Variants in FAM120C observed in about 807,000 individuals in gnomAD.
FAM120C encodes family with sequence similarity 120 member C.
A neutral mutation model predicts 71.2 loss-of-function variants in FAM120C; 14 were observed. The observed-to-expected ratio is 0.20, with a 90% CI of 0.13 to 0.31. The LOEUF (loss-of-function observed/expected upper bound fraction) is 0.31, where lower values mean the gene tolerates loss of function less well. Ranked by LOEUF, FAM120C falls within the 10% of genes least tolerant of loss-of-function variation. FAM120C has a pLI of 1.00. For synonymous variants in FAM120C, 354 were observed against 353.2 expected (o/e 1.00, Z -0.03); for missense variants, 500 against 879.0 (o/e 0.57, Z 5.45).
At chrX:54,118,399 G>C (rs1442075082) in intron 9 of FAM120C, among the ~76,000 whole-genome samples, 32 of 110,571 alleles carry the variant, frequency 2.9e-4, no homozygotes, top group Admixed American at 2.8e-3. Flanking sequence ...TTCCAGTTTG[G>C]GGTCATAATG....
intron 1 of FAM120C, among the ~76,000 whole-genome samples, chrX:54,180,260 C>A (rs1180760231): frequency 8.9e-6 from 1 of 112,333 alleles, no homozygotes; most frequent in African/African-American, 3.2e-5. Flanking sequence ...TCTCCACACC[C>A]TTGTCCGCTA....
Position 54,070,510 on chromosome X carries a change from G to A in FAM120C, c.*2523C>T, listed in dbSNP as rs1557119958. ...AATATCTTAGCAATTTTAAGTCCAA[G>A]TGCTTCCTATTAGAAAATGGAGATA... is the stretch of plus-strand genomic sequence containing the variant. On this transcript the variant is annotated 3_prime_UTR_variant, in exon 16 of 16. Coordinates refer to ENST00000375180, the MANE Select transcript of FAM120C (RefSeq NM_017848.6). 1 of 112,314 alleles carries A rather than the reference G, an allele frequency of 8.9e-6. No homozygotes were observed. The highest frequency in any genetic ancestry group is 3.2e-5 in the African/African-American group (1 of 30,945). 9.3% of individuals were successfully genotyped at this position (112,314 alleles called of 1,213,427 possible). A position where few individuals can be genotyped will look rare whatever the true frequency, so the allele number is the denominator to read the frequency against.
intron 10 of FAM120C, among the ~76,000 whole-genome samples, chrX:54,107,912 G>A (rs2066915484): frequency 1.1e-5 from 1 of 94,267 alleles, no homozygotes; most frequent in South Asian, 5.9e-4. Flanking sequence ...CTAGTATGTG[G>A]TAGGGTCCCT....
At chrX:54,108,195 G>A (rs989522998) in intron 10 of FAM120C, among the ~76,000 whole-genome samples, 12 of 108,639 alleles carry the variant, frequency 1.1e-4, no homozygotes, top group African/African-American at 1.3e-4. Context: ...TAATCATGGC[G>A]ATATCTATCA....
Position 54,113,640 on chromosome X carries a change from G to A in FAM120C, c.2312+2905C>T, listed in dbSNP as rs781972608. On this transcript the variant is annotated intron_variant, in intron 10 of 15. Transcript: ENST00000375180. ...AAAATGCCTGCACCAGGCCGGGCGCGGTGGCTCACGCCTGTAATCCCAGCA... is the reference window on the plus strand; with the variant it reads ...AAAATGCCTGCACCAGGCCGGGCGCAGTGGCTCACGCCTGTAATCCCAGCA... 3.6e-3 allele frequency among the ~76,000 whole-genome samples: 400 copies of A among 110,917 alleles called. 3 individuals are homozygous for A. Among genetic ancestry groups the A allele is most frequent in the Non-Finnish European group, 6.2e-3 (328 of 52,953 alleles).
intron 10 of FAM120C, among the ~76,000 whole-genome samples, chrX:54,100,706 A>G (rs2066878146): frequency 9.0e-6 from 1 of 111,717 alleles, no homozygotes; most frequent in African/African-American, 3.2e-5. Flanking sequence ...ACAAAACAAA[A>G]GATCTTAGAG....
intron 11 of FAM120C, among the ~76,000 whole-genome samples, chrX:54,089,677 A>T (rs781793764): frequency 4.5e-5 from 5 of 111,195 alleles, no homozygotes; most frequent in Non-Finnish European, 9.4e-5. Context: ...TATGTGAAAC[A>T]CTAGCCGGGC....
chrX:54,165,606 G>A (rs1262771251), intron 1 of FAM120C, among the ~76,000 whole-genome samples: 4 of 109,424 alleles, frequency 3.7e-5, no homozygotes, highest in Non-Finnish European at 7.6e-5. Context: ...GTGAAACCCC[G>A]TCTCTACTAA....
intron 4 of FAM120C, among the ~76,000 whole-genome samples, chrX:54,140,316 A>T: frequency 9.4e-6 from 1 of 106,163 alleles, no homozygotes; most frequent in Non-Finnish European, 1.9e-5. Context: ...GAAAAAGAAA[A>T]AAGAAAAGGA....
intron 1 of FAM120C, among the ~76,000 whole-genome samples, chrX:54,169,700 T>C: frequency 8.9e-6 from 1 of 111,936 alleles, no homozygotes; most frequent in Non-Finnish European, 1.9e-5. Context: ...TAAGGAAGTA[T>C]CACCTTATAA....
In FAM120C at chrX:54,114,973, G is replaced by A. The variant is rs782427305; in HGVS notation, c.2312+1572C>T. 3.7e-5 allele frequency among the ~76,000 whole-genome samples: 4 copies of A among 109,263 alleles called. No individual in the cohort carries two copies. In the East Asian group the frequency reaches 1.1e-3, roughly 31 times the overall value. 94.9% of individuals were successfully genotyped at this position (109,263 alleles called of 115,157 possible). A position where few individuals can be genotyped will look rare whatever the true frequency, so the allele number is the denominator to read the frequency against. ...GGGGTTTCATCATGCTGTCCAGGCT[G>A]GTCTTGAACTCCTGGCCTCAAGTGA... is the stretch of plus-strand genomic sequence containing the variant. On this transcript the variant is annotated intron_variant, in intron 10 of 15. Coordinates refer to ENST00000375180, the MANE Select transcript of FAM120C (RefSeq NM_017848.6).
At chrX:54,168,048 A>T (rs1224117913) in intron 1 of FAM120C, among the ~76,000 whole-genome samples, 2 of 111,705 alleles carry the variant, frequency 1.8e-5, no homozygotes, top group East Asian at 5.6e-4. Context: ...AGGTAGTCTA[A>T]AGAAGTGGCT....
chrX:54,076,046 G>A (rs1557120627), intron 15 of FAM120C, among the ~76,000 whole-genome samples: 1 of 109,834 alleles, frequency 9.1e-6, no homozygotes, highest in East Asian at 2.9e-4. Flanking sequence ...CTGGGAGGCA[G>A]AGGTTGCGGT....
intron 4 of FAM120C, among the ~76,000 whole-genome samples, chrX:54,137,242 G>A (rs1253434961): frequency 9.0e-6 from 1 of 110,901 alleles, no homozygotes; most frequent in Admixed American, 9.7e-5. Flanking sequence ...CGTAAGCCAC[G>A]GTGCCCGGCC....
At chrX:54,112,365 C>T (rs938722730) in intron 10 of FAM120C, among the ~76,000 whole-genome samples, 2 of 109,789 alleles carry the variant, frequency 1.8e-5, no homozygotes, top group East Asian at 2.9e-4. Context: ...TGTCGTAAGC[C>T]GAGATCGCGC....
chrX:54,091,498 A>C, intron 10 of FAM120C, 72 bp from the exon 11 acceptor site: 1 of 744,705 alleles, frequency 1.3e-6, no homozygotes, highest in East Asian at 3.3e-5. Flanking sequence ...TATTAAGCTA[A>C]GAACCTATCA....
chrX:54,144,079 T>A (rs1249752433), intron 4 of FAM120C, among the ~76,000 whole-genome samples: 2 of 111,812 alleles, frequency 1.8e-5, no homozygotes, highest in African/African-American at 6.5e-5. Context: ...ATTATCTCAA[T>A]AGATGCAGAA....
intron 1 of FAM120C, chrX:54,173,699 T>C (rs1184913387): frequency 8.3e-6 from 1 of 121,125 alleles, no homozygotes; most frequent in African/African-American, 3.2e-5. Context: ...ACTTCTTCCA[T>C]AAAAAAGATT....
intron 13 of FAM120C, among the ~76,000 whole-genome samples, chrX:54,084,942 T>C (rs1159299714): frequency 1.8e-5 from 2 of 111,593 alleles, no homozygotes; most frequent in Non-Finnish European, 3.8e-5. Context: ...TTTCTCTCCA[T>C]GCTTCTGGAG....
Sources: gnomAD v4.1 joint callset for allele counts (sites outside exome capture counted in the v4.1 genomes callset) on GRCh38, gnomAD v4.1.1 for gene constraint, MANE v1.5 for transcripts, NCBI Gene and HGNC (gene_info 2026-07-23, HGNC 2026-07-21) for gene names.